SATL1: variants seen among roughly 807,000 people sequenced by gnomAD.
SATL1 encodes spermidine/spermine N(1)-acetyltransferase-like protein 1.
Under a neutral mutation model 51.8 loss-of-function variants are expected in SATL1, and 47 were observed. The observed-to-expected ratio is 0.91, with a 90% CI of 0.72 to 1.16. The LOEUF (loss-of-function observed/expected upper bound fraction) is 1.16. Ranked by LOEUF, SATL1 falls within the 50% of genes most tolerant of loss-of-function variation. The probability of loss-of-function intolerance (pLI) is 0.00; values close to 1 mark genes in which losing one functional copy is unlikely to be tolerated. For synonymous variants in SATL1, 176 were observed against 182.4 expected (o/e 0.97, Z 0.28); for missense variants, 520 against 526.4 (o/e 0.99, Z 0.12).
chrX:85,150,299 G>T (rs1426637136), intron 2 of SATL1, among the ~76,000 whole-genome samples: 1 of 111,294 alleles, frequency 9.0e-6, no homozygotes, highest in Non-Finnish European at 1.9e-5. Context: ...TGAATAATAG[G>T]CTCTGAAATT....
chrX:85,196,463 G>A (rs1430419439), intron 2 of SATL1, among the ~76,000 whole-genome samples: 1 of 111,368 alleles, frequency 9.0e-6, no homozygotes, highest in African/African-American at 3.3e-5. Flanking sequence ...ACACTGTGAT[G>A]CTAAAATTCA....
At chrX:85,190,979 G>A (rs1481809410) in intron 2 of SATL1, among the ~76,000 whole-genome samples, 2 of 92,582 alleles carry the variant, frequency 2.2e-5, no homozygotes, top group Non-Finnish European at 4.3e-5. Context: ...TGGTGTAGGG[G>A]GAGGGGGGAG....
At chrX:85,092,971 T>C (rs774865876) in intron 7 of SATL1, 28 of 366,647 alleles carry the variant, frequency 7.6e-5, no homozygotes, top group African/African-American at 5.6e-4. Context: ...TATAGTGTGG[T>C]TGTGGATTAT....
chrX:85,154,539 C>G (rs73511627), intron 2 of SATL1, among the ~76,000 whole-genome samples: 5,443 of 111,625 alleles, frequency 0.049, 368 homozygotes, highest in African/African-American at 0.17. Context: ...ATGTTTCACA[C>G]CTATCAACTC....
intron 5 of SATL1, among the ~76,000 whole-genome samples, 178 bp downstream of exon 5, chrX:85,094,738 T>A (rs1341876665): frequency 1.8e-5 from 2 of 111,518 alleles, no homozygotes; most frequent in Non-Finnish European, 3.8e-5. Context: ...CGAGACCCTG[T>A]CTCTTAATAA....
intron 1 of SATL1, among the ~76,000 whole-genome samples, chrX:85,232,751 C>T (rs1211874913): frequency 2.7e-5 from 3 of 111,644 alleles, no homozygotes; most frequent in Non-Finnish European, 3.8e-5. Context: ...TGACTTGTGG[C>T]TTGGGTCCCA....
chrX:85,201,894 T>C (rs1927694113), intron 2 of SATL1, among the ~76,000 whole-genome samples: 1 of 112,451 alleles, frequency 8.9e-6, no homozygotes, highest in Non-Finnish European at 1.9e-5. Context: ...TTCCATGTCT[T>C]CGCTATTGTG....
chrX:85,187,491 T>C (rs6652434), intron 2 of SATL1, among the ~76,000 whole-genome samples: 27,938 of 110,873 alleles, frequency 0.25, 3,893 homozygotes, highest in African/African-American at 0.53. Flanking sequence ...AGGTACTTTC[T>C]TTCTATAACC....
At chrX:85,176,089 C>A (rs962360928) in intron 2 of SATL1, among the ~76,000 whole-genome samples, 1 of 111,604 alleles carries the variant, frequency 9.0e-6, no homozygotes, top group South Asian at 3.7e-4. Flanking sequence ...GGATCAACAA[C>A]TTATTTTTTA....
chrX:85,124,639 A>T (rs1925577919), intron 2 of SATL1, among the ~76,000 whole-genome samples: 1 of 111,680 alleles, frequency 9.0e-6, no homozygotes, highest in African/African-American at 3.2e-5. Context: ...GGTAGCAAAG[A>T]TCATCACTAT....
intron 2 of SATL1, among the ~76,000 whole-genome samples, chrX:85,167,803 C>A (rs771367192): frequency 9.0e-6 from 1 of 110,694 alleles, no homozygotes; most frequent in Admixed American, 9.6e-5. Context: ...ATCCTGATAC[C>A]AAAACTTGGC....
intron 2 of SATL1, among the ~76,000 whole-genome samples, chrX:85,154,996 A>C (rs2147724502): frequency 9.0e-6 from 1 of 111,559 alleles, no homozygotes; most frequent in Non-Finnish European, 1.9e-5. Flanking sequence ...TATAAATTGT[A>C]ATAAAATCAG....
chrX:85,235,411 T>C (rs909648617), intron 1 of SATL1, among the ~76,000 whole-genome samples: 3 of 111,407 alleles, frequency 2.7e-5, no homozygotes, highest in Non-Finnish European at 3.8e-5. Context: ...CACATTCTTC[T>C]CCTTAGCACA....
At chrX:85,129,011 T>A (rs1031160957) in intron 2 of SATL1, among the ~76,000 whole-genome samples, 5 of 111,921 alleles carry the variant, frequency 4.5e-5, no homozygotes, top group Non-Finnish European at 3.8e-5. Flanking sequence ...TCTATCTCTC[T>A]ATTTTGGTAC....
intron 2 of SATL1, among the ~76,000 whole-genome samples, chrX:85,137,506 C>T (rs867456052): frequency 1.8e-5 from 2 of 111,025 alleles, no homozygotes; most frequent in African/African-American, 6.6e-5. Context: ...GAACTATCAC[C>T]GTCTCTCTTT....
At chrX:85,233,235 CCTA>C (rs1569251819) in intron 1 of SATL1, among the ~76,000 whole-genome samples, 1 of 112,129 alleles carries the variant, frequency 8.9e-6, no homozygotes, top group Non-Finnish European at 1.9e-5. Context: ...TGGGGTGTCT[CCTA>C]ATGAAGATAT....
At chrX:85,187,936 T>C (rs1039592654) in intron 2 of SATL1, among the ~76,000 whole-genome samples, 42 of 111,058 alleles carry the variant, frequency 3.8e-4, no homozygotes, top group African/African-American at 1.3e-3. Context: ...TTTTAAGTTC[T>C]AAACCTTTTA....
At chrX:85,102,495 G>A (rs1053789539) in intron 4 of SATL1, among the ~76,000 whole-genome samples, 50 of 111,601 alleles carry the variant, frequency 4.5e-4, no homozygotes, top group African/African-American at 1.6e-3. Context: ...CAATAGGTAA[G>A]AGTAAACAAA....
chrX:85,202,128 T>C (rs1255656478), intron 2 of SATL1, among the ~76,000 whole-genome samples: 3 of 111,861 alleles, frequency 2.7e-5, no homozygotes, highest in African/African-American at 9.7e-5. Context: ...CATGTTATTT[T>C]TTGACTTTTT....
Sources: gnomAD v4.1 joint callset for allele counts (sites outside exome capture counted in the v4.1 genomes callset) on GRCh38, gnomAD v4.1.1 for gene constraint, MANE v1.5 for transcripts, NCBI Gene and HGNC (gene_info 2026-07-23, HGNC 2026-07-21) for gene names.